The following PRDX5 variants were observed in gnomAD, a reference collection of about 807,000 sequenced individuals.
PRDX5 encodes peroxiredoxin-5, mitochondrial.
In PRDX5, 21 loss-of-function variants were observed where a neutral mutation model predicts 23.8. That is an observed-to-expected ratio of 0.88 (90% CI 0.63 to 1.27). The LOEUF (loss-of-function observed/expected upper bound fraction) is 1.27. Ranked by LOEUF, PRDX5 falls within the 50% of genes most tolerant of loss-of-function variation. The pLI is 0.00. For synonymous variants in PRDX5, 111 were observed against 113.3 expected (o/e 0.98, Z 0.13); for missense variants, 261 against 270.6 (o/e 0.96, Z 0.25).
In PRDX5 at chr11:64,319,296, C is replaced by T. The variant is rs569608452; in HGVS notation, c.172-438C>T. Among the ~76,000 whole-genome samples the T allele has an allele frequency of 3.9e-4, 60 of 152,190 alleles. 3 individuals carry two copies. The South Asian group carries it at 9.9e-3, about 25-fold the overall frequency. On this transcript the variant is annotated intron_variant, in intron 1 of 5. Transcript: ENST00000265462. ...CACCCTCCCCCAACGTTCCACCTGC[C>T]GCTGCCCTTCCTCTTCCTCCTCCTG...
intron 1 of PRDX5, among the ~76,000 whole-genome samples, chr11:64,318,970 C>A (rs919750833): frequency 2.0e-5 from 3 of 151,554 alleles, no homozygotes; most frequent in Non-Finnish European, 4.4e-5. Flanking sequence ...TTACCCCATC[C>A]CACTCCATGA....
Position 64,319,702 on chromosome 11 carries a change from C to T in PRDX5, c.172-32C>T, listed in dbSNP as rs1247043979. 1.9e-6 allele frequency: 3 copies of T among 1,599,426 alleles called. No homozygotes were observed. In the South Asian group the frequency reaches 3.3e-5, roughly 18 times the overall value. ...TGCCTCTGGTTTGCCCCGGCTCCCT[C>T]ACCCCCCTTACCCTGGAGTCCTTCC... On this transcript the variant is annotated intron_variant, in intron 1 of 5. Coordinates refer to ENST00000265462, the MANE Select transcript of PRDX5 (RefSeq NM_012094.5).
intron 1 of PRDX5, among the ~76,000 whole-genome samples, chr11:64,319,523 G>C (rs886476559): frequency 6.6e-6 from 1 of 152,220 alleles, no homozygotes; most frequent in African/African-American, 2.4e-5. Context: ...GGCCCCTTAA[G>C]AGGAGCAGGG....
chr11:64,321,557 G>A, intron 5 of PRDX5, 29 bp from the exon 6 acceptor site: 2 of 1,607,816 alleles, frequency 1.2e-6, no homozygotes, highest in Non-Finnish European at 1.7e-6. Flanking sequence ...CCAGGCTGAT[G>A]CAGCTGGCTG....
intron 1 of PRDX5, among the ~76,000 whole-genome samples, chr11:64,319,199 C>G (rs1201864553): frequency 6.6e-6 from 1 of 152,098 alleles, no homozygotes; most frequent in Non-Finnish European, 1.5e-5. Flanking sequence ...CTCAAGTACT[C>G]TGGGGATGGA....
chr11:64,320,829 A>G (rs894700565), intron 3 of PRDX5, 36 bp from the exon 4 acceptor site: 1 of 1,614,202 alleles, frequency 6.2e-7, no homozygotes, highest in Non-Finnish European at 8.5e-7. Flanking sequence ...AGGACCAGGT[A>G]GGATATTCTT....
rs759744121 is a variant in PRDX5, at chr11:64,319,880, C to T, written c.306+12C>T. 3.1e-6 allele frequency: 5 copies of T among 1,613,100 alleles called. No homozygotes were observed. Among genetic ancestry groups the T allele is most frequent in the Non-Finnish European group, 4.2e-6 (5 of 1,179,652 alleles). On this transcript the variant is annotated intron_variant, in intron 2 of 5. Transcript: ENST00000265462. ...CTGGATGTTCCAAGGTGAGGCCCTTCCCCTTCTGAAGATCAGGACCTGGGA... is the reference window on the plus strand; with the variant it reads ...CTGGATGTTCCAAGGTGAGGCCCTTTCCCTTCTGAAGATCAGGACCTGGGA...
chr11:64,320,284 G>GA (rs111316782), intron 2 of PRDX5, among the ~76,000 whole-genome samples: 341 of 103,912 alleles, frequency 3.3e-3, no homozygotes, highest in East Asian at 0.018. Flanking sequence ...GTCTCAAAAT[G>GA]AAAAAAAAAA....
Position 64,318,246 on chromosome 11 carries a change from C to A in PRDX5, c.31C>A (p.Arg11Ser). Residue 11 changes from arginine (R) to serine (S), a missense_variant, in exon 1 of 6, where the codon CGC becomes AGC. Arg to Ser is a moderately radical substitution (Grantham distance 110, BLOSUM62 -1). Transcript: ENST00000265462. ...ACTAGCTGGCGTGTGCGCCCTGAGA[C>A]GCTCAGCGGGCTATATACTCGTCGG... MGLAGVCALR[R>S]SAGYILVGGA... 1 of 1,612,100 alleles carries A rather than the reference C, an allele frequency of 6.2e-7. No individual in the cohort carries two copies. Among genetic ancestry groups the A allele is most frequent in the East Asian group, 2.2e-5 (1 of 44,876 alleles).
rs565385944 is a variant in PRDX5 at position 64,321,216 on chromosome 11, C to G, written c.539+148C>G. ...TGGGAGAGTCGTCTGTGGGGAGAGTCCTGTGTGGGGAGAGTCCTCTGTGGA... is the reference window on the plus strand; with the variant it reads ...TGGGAGAGTCGTCTGTGGGGAGAGTGCTGTGTGGGGAGAGTCCTCTGTGGA... On this transcript the variant is annotated intron_variant, in intron 5 of 5. Transcript: ENST00000265462. 7 of 955,406 alleles carry G rather than the reference C, an allele frequency of 7.3e-6. No individual in the cohort carries two copies. In the South Asian group the frequency reaches 1.0e-4, roughly 14 times the overall value. 59.2% of individuals were successfully genotyped at this position (955,406 alleles called of 1,614,324 possible).
intron 1 of PRDX5, among the ~76,000 whole-genome samples, chr11:64,318,837 A>ACC (rs374862180): frequency 9.0e-5 from 7 of 77,416 alleles, no homozygotes; most frequent in African/African-American, 3.0e-4. Context: ...CCTCAGGTGA[A>ACC]CCCCCCCCGC....
At chr11:64,319,618 T>C in intron 1 of PRDX5, 116 bp from the exon 2 acceptor site, 4 of 1,330,970 alleles carry the variant, frequency 3.0e-6, no homozygotes, top group Non-Finnish European at 4.1e-6. Flanking sequence ...TGGAGTATCC[T>C]GCTGGGTTTC....
In PRDX5 at chr11:64,318,333, T is replaced by G; in HGVS notation, c.118T>G (p.Ser40Ala). 1 of 1,612,376 alleles carries G rather than the reference T, an allele frequency of 6.2e-7. No individual in the cohort carries two copies. The change falls in exon 1 of 6, where the codon TCT (serine) becomes GCT (alanine). Residue 40 changes from serine (S) to alanine (A), a missense_variant. By Grantham distance (99) the Ser-to-Ala change is moderately conservative (BLOSUM62 1). Coordinates refer to ENST00000265462, the MANE Select transcript of PRDX5 (RefSeq NM_012094.5). ...ACGGTACAGTGAAGGAGAGTGGGCG[T>G]CTGGCGGGGTCCGCAGTTTCAGCAG... ...ARRYSEGEWA[S>A]GGVRSFSRAA...
In PRDX5 at chr11:64,321,718, C is replaced by T; in HGVS notation, c.*27C>T. 1.3e-6 allele frequency: 2 copies of T among 1,544,592 alleles called. No homozygotes were observed. Among genetic ancestry groups the T allele is most frequent in the Non-Finnish European group, 8.7e-7 (1 of 1,142,950 alleles). ...GCCCTGGGCCAGATTACTTCCTCCACCCCTCCCTATCTCACCTGCCCAGCC... is the reference window on the plus strand; with the variant it reads ...GCCCTGGGCCAGATTACTTCCTCCATCCCTCCCTATCTCACCTGCCCAGCC... On this transcript the variant is annotated 3_prime_UTR_variant, in exon 6 of 6. Coordinates refer to ENST00000265462, the MANE Select transcript of PRDX5 (RefSeq NM_012094.5).
At chr11:64,319,687 T>G (rs966325275) in intron 1 of PRDX5, 47 bp from the exon 2 acceptor site, 7 of 1,579,934 alleles carry the variant, frequency 4.4e-6, no homozygotes, top group Non-Finnish European at 5.2e-6. Flanking sequence ...TGCCTCTGGT[T>G]TGCCCCGGCT....
In PRDX5 at chr11:64,320,885, C is replaced by A; in HGVS notation, c.459C>A (p.Pro153=). The A allele has an allele frequency of 6.2e-7, 1 of 1,614,224 alleles. No homozygotes were observed. Among genetic ancestry groups the A allele is most frequent in the Non-Finnish European group, 8.5e-7 (1 of 1,180,040 alleles). ...AEGKVRLLAD[P]TGAFGKETDL... ...TGCAGGTTCGGCTCCTGGCTGATCC[C>A]ACTGGGGCCTTTGGGAAGGTGAGTG... Residue 153 remains proline, a synonymous_variant, in exon 4 of 6, where the codon CCC becomes CCA. Coordinates refer to ENST00000265462, the MANE Select transcript of PRDX5 (RefSeq NM_012094.5).
In PRDX5 at chr11:64,318,199, G is replaced by A; in HGVS notation, c.-17G>A. ...GCACCAGCCAGGAGGCGGAGTGGAA[G>A]TGGCCGTGGGGCGGGTATGGGACTA... On this transcript the variant is annotated 5_prime_UTR_variant, in exon 1 of 6. It adds an upstream start codon to the 5' untranslated region. Transcript: ENST00000265462. The A allele has an allele frequency of 6.2e-7, 1 of 1,611,000 alleles. No individual in the cohort carries two copies.
chr11:64,320,171 T>G (rs534470221), intron 2 of PRDX5, among the ~76,000 whole-genome samples: 1 of 151,758 alleles, frequency 6.6e-6, no homozygotes, highest in Admixed American at 6.6e-5. Context: ...TCCCAGGTAC[T>G]GGGGAGGCTG....
chr11:64,321,686 C>A lies in PRDX5; in HGVS notation c.640C>A (p.Leu214Ile). ...CCTGGCACCCAATATCATCTCACAG[C>A]TCTGAGGCCCTGGGCCAGATTACTT... ...CSLAPNIISQ[L>I] The change falls in exon 6 of 6, where the codon CTC becomes ATC. Residue 214 changes from leucine (L) to isoleucine (I), a missense_variant. Transcript: ENST00000265462. The A allele has an allele frequency of 6.4e-7, 1 of 1,572,092 alleles. No homozygotes were observed. The highest frequency in any genetic ancestry group is 1.4e-5 in the African/African-American group (1 of 74,006).
Sources: gnomAD v4.1 joint callset for allele counts (sites outside exome capture counted in the v4.1 genomes callset) on GRCh38, gnomAD v4.1.1 for gene constraint, MANE v1.5 for transcripts, NCBI Gene and HGNC (gene_info 2026-07-23, HGNC 2026-07-21) for gene names.